The following ITGB2 variants were observed in gnomAD, a reference collection of about 807,000 sequenced individuals.
The protein encoded by ITGB2 is integrin subunit beta 2.
Under a neutral mutation model 86.8 loss-of-function variants are expected in ITGB2, and 56 were observed. The observed-to-expected ratio is 0.65, with a 90% CI of 0.52 to 0.81. ITGB2 has a LOEUF of 0.81. ITGB2 is among the 30% of genes least tolerant of loss of function. The pLI is 0.00. For synonymous variants in ITGB2, 457 were observed against 450.4 expected, an observed-to-expected ratio of 1.01 and a Z score of -0.19; for missense variants, 948 against 1,061.2, an observed-to-expected ratio of 0.89 and a Z score of 1.48.
rs763860990 is a variant in ITGB2 at position 44,893,405 on chromosome 21, G to T, written c.1223C>A (p.Pro408Gln). 6.2e-7 allele frequency: 1 copy of T among 1,613,680 alleles called. No homozygotes were observed. Among genetic ancestry groups the T allele is most frequent in the Non-Finnish European group, 8.5e-7 (1 of 1,179,890 alleles). The change falls in exon 10 of 16, where the codon CCG becomes CAG. Residue 408 changes from proline (P) to glutamine (Q), a missense_variant and splice_region_variant. Pro to Gln is a moderately conservative substitution (Grantham distance 76, BLOSUM62 -1). Transcript: ENST00000652462. ...GGGGACCCTTGTGGCCAGGCTCACC[G>T]GGACATTGATCTGCACGCCATCACA... Reference protein sequence around the residue: ...GDCDGVQINVPITFQVKVTAT... With the variant: ...GDCDGVQINVQITFQVKVTAT...
chr21:44,888,452 C>T (rs528664334), intron 14 of ITGB2, among the ~76,000 whole-genome samples: 10 of 152,298 alleles, frequency 6.6e-5, no homozygotes, highest in Admixed American at 3.3e-4. Context: ...GGGAGCAGGC[C>T]GTCTGCTGCC....
At chr21:44,922,077 A>G (rs1215884425), upstream of ITGB2, among the ~76,000 whole-genome samples, 1 of 152,268 alleles carries the variant, frequency 6.6e-6, no homozygotes, top group Non-Finnish European at 1.5e-5. Context: ...GAAATCCATG[A>G]GAAATACAAG....
At chr21:44,904,378 G>GCA (rs773893298) in intron 4 of ITGB2, among the ~76,000 whole-genome samples, 3 of 150,518 alleles carry the variant, frequency 2.0e-5, no homozygotes, top group African/African-American at 4.9e-5. Context: ...CCACATATAT[G>GCA]CACACACACA....
chr21:44,916,080 G>C (rs2084205256), intron 1 of ITGB2, among the ~76,000 whole-genome samples: 2 of 152,014 alleles, frequency 1.3e-5, no homozygotes, highest in South Asian at 2.1e-4. Context: ...ACACCACTAG[G>C]CCCAGCTAAT....
Position 44,903,485 on chromosome 21 carries a change from T to TG in ITGB2, c.378dup (p.Ile127HisfsTer15). ...AGGTCCATCAGATAGTACAGGTCGA[T>TG]GGGGTAGCCCTTGGCCCGCCGGAAG... On this transcript the variant is annotated frameshift_variant, in exon 5 of 16. Transcript: ENST00000652462. LOFTEE classifies it high-confidence loss of function. 1.2e-6 allele frequency: 2 copies of TG among 1,613,986 alleles called. No homozygotes were observed. Among genetic ancestry groups the TG allele is most frequent in the Non-Finnish European group, 1.7e-6 (2 of 1,179,934 alleles).
intron 7 of ITGB2, among the ~76,000 whole-genome samples, chr21:44,899,915 C>T (rs551565035): frequency 1.1e-4 from 16 of 152,264 alleles, no homozygotes; most frequent in East Asian, 3.9e-4. Context: ...CAGCAGGGAA[C>T]GTACAGTGGA....
At chr21:44,900,081 G>C (rs2083928418) in intron 7 of ITGB2, among the ~76,000 whole-genome samples, 1 of 152,224 alleles carries the variant, frequency 6.6e-6, no homozygotes, top group Non-Finnish European at 1.5e-5. Flanking sequence ...AACAGAGCCT[G>C]GGTGTCCCAC....
At chr21:44,891,051 C>T (rs367656266) in intron 11 of ITGB2, among the ~76,000 whole-genome samples, 5 of 152,214 alleles carry the variant, frequency 3.3e-5, no homozygotes, top group East Asian at 1.9e-4. Context: ...GCCACCAGGA[C>T]GTGGATTGGC....
chr21:44,886,718 C>A lies in ITGB2; in HGVS notation c.2247+18G>T. 2 of 1,614,010 alleles carry A rather than the reference C, an allele frequency of 1.2e-6. No homozygotes were observed. Among genetic ancestry groups the A allele is most frequent in the South Asian group, 2.2e-5 (2 of 91,080 alleles). Reference sequence around the variant, plus strand: ...GCACGTGCCCCTCTGCGTGGGACCCCCAAGGACGGCCACTTACATTGTTCC... The same window carrying A: ...GCACGTGCCCCTCTGCGTGGGACCCACAAGGACGGCCACTTACATTGTTCC... On this transcript the variant is annotated intron_variant, in intron 15 of 15. Transcript: ENST00000652462.
chr21:44,888,154 G>A (rs1051587806), intron 14 of ITGB2, among the ~76,000 whole-genome samples: 3 of 149,232 alleles, frequency 2.0e-5, no homozygotes, highest in African/African-American at 7.3e-5. Context: ...ATGAGACAGG[G>A]TCAGTGCCAC....
chr21:44,895,917 A>T (rs992773923), intron 8 of ITGB2, among the ~76,000 whole-genome samples: 2 of 152,112 alleles, frequency 1.3e-5, no homozygotes, highest in Admixed American at 6.5e-5. Context: ...AAAAAATAAA[A>T]AAAAAATTAC....
At chr21:44,922,485 A>G (rs1289929676), upstream of ITGB2, among the ~76,000 whole-genome samples, 4 of 152,054 alleles carry the variant, frequency 2.6e-5, no homozygotes, top group Admixed American at 2.0e-4. Flanking sequence ...CAACATTTGG[A>G]GACCCAGACC....
intron 9 of ITGB2, chr21:44,894,323 A>G (rs1333565285): frequency 1.8e-5 from 3 of 165,806 alleles, no homozygotes; most frequent in African/African-American, 7.2e-5. Context: ...CCTTTGGCCT[A>G]GAAGGATCCA....
intron 5 of ITGB2, among the ~76,000 whole-genome samples, chr21:44,902,889 C>G (rs2083986572): frequency 6.6e-6 from 1 of 152,198 alleles, no homozygotes; most frequent in Non-Finnish European, 1.5e-5. Flanking sequence ...GAAGCCACGG[C>G]CGGCGGGGAA....
chr21:44,924,575 A>G (rs940164972), upstream of ITGB2, among the ~76,000 whole-genome samples: 1 of 152,246 alleles, frequency 6.6e-6, no homozygotes, highest in Non-Finnish European at 1.5e-5. Flanking sequence ...ACACATAATT[A>G]CTAGACCACA....
At chr21:44,908,249 G>A in intron 3 of ITGB2, 1 of 613,736 alleles carries the variant, frequency 1.6e-6, no homozygotes, top group Non-Finnish European at 3.0e-6. Flanking sequence ...CACTTCTCCT[G>A]CTGCCCTCCC....
At chr21:44,910,468 G>A in intron 2 of ITGB2, 96 bp from the exon 3 acceptor site, 1 of 1,592,402 alleles carries the variant, frequency 6.3e-7, no homozygotes, top group Non-Finnish European at 8.6e-7. Context: ...GGCCCAAAAA[G>A]ACAGGGAGGC....
In ITGB2 at chr21:44,906,986, T is replaced by C; in HGVS notation, c.257A>G (p.Glu86Gly). 6.2e-7 allele frequency: 1 copy of C among 1,614,182 alleles called. No homozygotes were observed. The highest frequency in any genetic ancestry group is 8.5e-7 in the Non-Finnish European group (1 of 1,180,020). The change falls in exon 4 of 16, where the codon GAA becomes GGA. Residue 86 changes from glutamate (E) to glycine (G), a missense_variant. By Grantham distance (98) the Glu-to-Gly change is moderately conservative (BLOSUM62 -2). Coordinates refer to ENST00000652462, the MANE Select transcript of ITGB2 (RefSeq NM_000211.5). ...DDIMDPTSLA[E>G]TQEDHNGGQK... The stretch of plus-strand genomic sequence containing the variant: ...GCCCCCATTGTGGTCTTCCTGGGTT[T>C]CAGCGAGGCTTGTGGGGTCCATGAT...
intron 1 of ITGB2, among the ~76,000 whole-genome samples, chr21:44,916,846 C>G (rs564262222): frequency 2.4e-5 from 3 of 127,096 alleles, no homozygotes; most frequent in Admixed American, 8.7e-5. Context: ...CCAGCCTGGG[C>G]AACAAGAGTG....
Sources: gnomAD v4.1 joint callset for allele counts (sites outside exome capture counted in the v4.1 genomes callset) on GRCh38, gnomAD v4.1.1 for gene constraint, MANE v1.5 for transcripts, NCBI Gene and HGNC (gene_info 2026-07-23, HGNC 2026-07-21) for gene names.